Variants in ZFYVE9 observed in about 807,000 individuals in gnomAD.
ZFYVE9 encodes zinc finger FYVE domain-containing protein 9.
In ZFYVE9, 43 loss-of-function variants were observed where a neutral mutation model predicts 126.7. That is an observed-to-expected ratio of 0.34 (90% CI 0.27 to 0.44). The LOEUF (loss-of-function observed/expected upper bound fraction) is 0.44. Among genes scored for constraint, ZFYVE9 ranks in the 20% least tolerant of loss-of-function variants. The pLI is 1.00. For synonymous variants in ZFYVE9, 521 were observed against 597.4 expected, an observed-to-expected ratio of 0.87 and a Z score of 1.87; for missense variants, 1,476 against 1,697.0, an observed-to-expected ratio of 0.87 and a Z score of 2.29.
At chr1:52,180,366 T>C in intron 1 of ZFYVE9, 1 of 1,547,848 alleles carries the variant, frequency 6.5e-7, no homozygotes, top group Non-Finnish European at 8.9e-7. Flanking sequence ...CAAGGCTCAG[T>C]TTATTGGTCC....
At chr1:52,231,606 GT>G (rs1411905867) in intron 2 of ZFYVE9, among the ~76,000 whole-genome samples, 2 of 151,960 alleles carry the variant, frequency 1.3e-5, no homozygotes, top group African/African-American at 2.4e-5. Context: ...TGTTAACCAA[GT>G]TAATAATCAT....
At chr1:52,232,081 GT>G (rs1645228603) in intron 2 of ZFYVE9, among the ~76,000 whole-genome samples, 1 of 152,160 alleles carries the variant, frequency 6.6e-6, no homozygotes, top group Non-Finnish European at 1.5e-5. Flanking sequence ...TTGACTTAAA[GT>G]TTACAAAGAC....
chr1:52,306,912 G>A (rs1377127181), intron 13 of ZFYVE9, among the ~76,000 whole-genome samples: 2 of 152,212 alleles, frequency 1.3e-5, no homozygotes, highest in Non-Finnish European at 2.9e-5. Context: ...CACACCCCTT[G>A]CTGCTCCATG....
chr1:52,261,603 G>A (rs1336705277), intron 4 of ZFYVE9, among the ~76,000 whole-genome samples: 1 of 152,126 alleles, frequency 6.6e-6, no homozygotes. Flanking sequence ...TATTAGAAAG[G>A]TTATTGAAGG....
At chr1:52,162,124 GAGAGGAAAAAGAAAATAA>G (rs1471338699) in intron 1 of ZFYVE9, 1 of 162,200 alleles carries the variant, frequency 6.2e-6, no homozygotes, top group East Asian at 1.8e-4. Context: ...AAAAAAAAAG[GAGAGGAAAAAGAAAATAA>G]AGAGGAAAAA....
chr1:52,147,190 G>A (rs1206899931), intron 1 of ZFYVE9, among the ~76,000 whole-genome samples: 5 of 152,050 alleles, frequency 3.3e-5, no homozygotes, highest in African/African-American at 1.2e-4. Context: ...TTAGATAAGG[G>A]ATACTCAACG....
chr1:52,299,874 C>T (rs1320341770), intron 12 of ZFYVE9, among the ~76,000 whole-genome samples: 1 of 152,228 alleles, frequency 6.6e-6, no homozygotes, highest in Non-Finnish European at 1.5e-5. Context: ...GGCTGTATGA[C>T]ATGGGCTCCA....
At chr1:52,269,354 C>T (rs1241599273) in intron 7 of ZFYVE9, among the ~76,000 whole-genome samples, 1 of 152,056 alleles carries the variant, frequency 6.6e-6, no homozygotes, top group Non-Finnish European at 1.5e-5. Flanking sequence ...GCGTCTCGAA[C>T]TCCTGACCTC....
chr1:52,166,899 A>C (rs1475985395), intron 1 of ZFYVE9, among the ~76,000 whole-genome samples: 1 of 152,054 alleles, frequency 6.6e-6, no homozygotes, highest in Non-Finnish European at 1.5e-5. Flanking sequence ...TCTTAAGAAG[A>C]AAAAAAAGTT....
chr1:52,227,229 A>C (rs1486574788), intron 2 of ZFYVE9, among the ~76,000 whole-genome samples: 1 of 152,262 alleles, frequency 6.6e-6, no homozygotes, highest in Non-Finnish European at 1.5e-5. Context: ...ACTTGGCAGC[A>C]ATGCCTTCTT....
intron 1 of ZFYVE9, chr1:52,162,333 G>A (rs1387945025): frequency 7.7e-6 from 3 of 390,424 alleles, no homozygotes; most frequent in African/African-American, 2.1e-5. Flanking sequence ...GAATCTCGAC[G>A]TCTGTGACCA....
chr1:52,277,583 C>A (rs192390812), intron 8 of ZFYVE9, among the ~76,000 whole-genome samples: 144 of 152,036 alleles, frequency 9.5e-4, no homozygotes, highest in African/African-American at 3.4e-3. Context: ...CCATTGTATC[C>A]AAAAAATCCA....
intron 13 of ZFYVE9, among the ~76,000 whole-genome samples, chr1:52,328,933 A>G (rs1014684358): frequency 1.3e-5 from 2 of 152,168 alleles, no homozygotes; most frequent in Non-Finnish European, 2.9e-5. Flanking sequence ...GAGTTATAAT[A>G]AAGTAAAGCC....
At chr1:52,148,643 C>A (rs1420168704) in intron 1 of ZFYVE9, among the ~76,000 whole-genome samples, 1 of 150,948 alleles carries the variant, frequency 6.6e-6, no homozygotes, top group East Asian at 2.0e-4. Context: ...ATGAATATTT[C>A]TTTCTTTTTT....
At chr1:52,193,171 C>T (rs1395929006) in intron 1 of ZFYVE9, among the ~76,000 whole-genome samples, 2 of 152,068 alleles carry the variant, frequency 1.3e-5, no homozygotes, top group Admixed American at 6.5e-5. Context: ...GCGTCAGCCT[C>T]CTGAGTACCT....
intron 10 of ZFYVE9, among the ~76,000 whole-genome samples, chr1:52,291,739 G>A (rs955055085): frequency 7.2e-5 from 11 of 151,824 alleles, no homozygotes; most frequent in Admixed American, 3.3e-4. Flanking sequence ...TTAGCCAGGC[G>A]TGGTGGTGGG....
chr1:52,225,644 C>T (rs1033985318), intron 2 of ZFYVE9, among the ~76,000 whole-genome samples: 6 of 151,884 alleles, frequency 4.0e-5, no homozygotes, highest in Admixed American at 6.6e-5. Context: ...GAAGGGGTGG[C>T]GGTAAAGAAG....
chr1:52,212,031 A>T (rs1002962316), intron 1 of ZFYVE9, among the ~76,000 whole-genome samples: 1 of 152,192 alleles, frequency 6.6e-6, no homozygotes, highest in Non-Finnish European at 1.5e-5. Context: ...TTCATATTAC[A>T]GTTAAAATTT....
At chr1:52,273,958 AT>A (rs1645720010) in intron 7 of ZFYVE9, among the ~76,000 whole-genome samples, 1 of 152,112 alleles carries the variant, frequency 6.6e-6, no homozygotes, top group Non-Finnish European at 1.5e-5. Flanking sequence ...ATGATTTACA[AT>A]TTTAACAATT....
Sources: gnomAD v4.1 joint callset for allele counts (sites outside exome capture counted in the v4.1 genomes callset) on GRCh38, gnomAD v4.1.1 for gene constraint, MANE v1.5 for transcripts, NCBI Gene and HGNC (gene_info 2026-07-23, HGNC 2026-07-21) for gene names.